Variants in VIPR2 observed in about 807,000 individuals in gnomAD.
VIPR2 encodes the protein vasoactive intestinal polypeptide receptor 2.
A neutral mutation model predicts 58.0 loss-of-function variants in VIPR2; 48 were observed. The ratio of observed to expected loss-of-function variants is 0.83; its 90% confidence interval spans 0.66 to 1.05. VIPR2 has a LOEUF of 1.05. Among genes scored for constraint, VIPR2 ranks in the 50% least tolerant of loss-of-function variants. VIPR2 has a pLI of 0.00. For missense variants in VIPR2, 534 were observed against 558.0 expected (o/e 0.96, Z 0.43); for synonymous variants, 243 against 235.2 (o/e 1.03, Z -0.30).
intron 5 of VIPR2, among the ~76,000 whole-genome samples, chr7:159,055,012 T>C (rs1855225553): frequency 6.6e-6 from 1 of 152,222 alleles, no homozygotes; most frequent in African/African-American, 2.4e-5. Flanking sequence ...GTGCATGAGA[T>C]GATGACTAAG....
intron 8 of VIPR2, 72 bp downstream of exon 8, chr7:159,035,880 C>A: frequency 6.4e-7 from 1 of 1,565,928 alleles, no homozygotes; most frequent in Admixed American, 1.8e-5. Context: ...AACCTTCTGG[C>A]TTCCAAAGGA....
At chr7:159,144,418 G>A in intron 1 of VIPR2, 2 of 1,547,624 alleles carry the variant, frequency 1.3e-6, no homozygotes, top group Non-Finnish European at 1.7e-6. Context: ...CCCCGAACGA[G>A]CTCATCGTTG....
intron 2 of VIPR2, among the ~76,000 whole-genome samples, chr7:159,114,730 C>A (rs992433537): frequency 6.6e-6 from 1 of 150,746 alleles, no homozygotes; most frequent in Non-Finnish European, 1.5e-5. Flanking sequence ...TGCTTGAGCC[C>A]AGGAGCTTGA....
In VIPR2 at chr7:159,128,553, C is replaced by T. The variant is rs1409849736; in HGVS notation, c.151+13893G>A. Among the ~76,000 whole-genome samples, 4 of 152,278 alleles carry T rather than the reference C, an allele frequency of 2.6e-5. No individual in the cohort carries two copies. The highest frequency in any genetic ancestry group is 4.4e-5 in the Non-Finnish European group (3 of 68,006). ...CAGTCCCTACCAGAGGCACTTTCCT[C>T]GCCTCTGACCCTGCCTTCTTTGCTC... On this transcript the variant is annotated intron_variant, in intron 2 of 12. Transcript: ENST00000262178. This position sits in a 1 kb window ranked among gnomAD's most constrained non-coding sequence, Gnocchi z 4.1.
Position 159,144,827 on chromosome 7 carries a change from C to T in VIPR2, c.-56G>A, listed in dbSNP as rs1385743154. On this transcript the variant is annotated 5_prime_UTR_variant, in exon 1 of 13. Coordinates refer to ENST00000262178, the MANE Select transcript of VIPR2 (RefSeq NM_003382.5). ...CGCCCGCCGCCTCCGTCCTAGGTCCCCGCGGTTCCGCCGCCTCCAGCATGG... is the reference window on the plus strand; with the variant it reads ...CGCCCGCCGCCTCCGTCCTAGGTCCTCGCGGTTCCGCCGCCTCCAGCATGG... The T allele has an allele frequency of 4.1e-6, 5 of 1,228,344 alleles. No homozygotes were observed. In the East Asian group the frequency reaches 1.6e-4, roughly 39 times the overall value. The allele number at this position is 1,228,344 out of a possible 1,614,324, so 76.1% of individuals were successfully genotyped here.
intron 2 of VIPR2, chr7:159,117,134 AAC>A: frequency 5.1e-6 from 3 of 590,804 alleles, no homozygotes; most frequent in Non-Finnish European, 9.1e-6. Flanking sequence ...GAGGGGAGGA[AAC>A]ACACTCTGAC....
At chr7:159,041,225 C>T (rs1024496488) in intron 6 of VIPR2, among the ~76,000 whole-genome samples, 1 of 152,238 alleles carries the variant, frequency 6.6e-6, no homozygotes, top group East Asian at 1.9e-4. Context: ...GTGTGGGAGG[C>T]CAGGCCCTCC....
rs1700664440 is a variant in VIPR2, at chr7:159,093,097, G to A, written c.357+10660C>T. Among the ~76,000 whole-genome samples the A allele has an allele frequency of 6.6e-6, 1 of 152,186 alleles. No homozygotes were observed. The highest frequency in any genetic ancestry group is 2.4e-5 in the African/African-American group (1 of 41,436). Reference sequence around the variant, plus strand: ...CTCAGAGAACCCGTCTAGCAGCGGAGATGCTGCTCCCAAGCTGAGAGATGT... The same window carrying A: ...CTCAGAGAACCCGTCTAGCAGCGGAAATGCTGCTCCCAAGCTGAGAGATGT... On this transcript the variant is annotated intron_variant, in intron 4 of 12. Transcript: ENST00000262178. The surrounding 1 kb of genome is among the most constrained non-coding windows in gnomAD (Gnocchi z 6.7).
At chr7:159,111,081 G>A (rs753488676) in intron 2 of VIPR2, among the ~76,000 whole-genome samples, 8 of 152,170 alleles carry the variant, frequency 5.3e-5, no homozygotes, top group Non-Finnish European at 7.4e-5. Context: ...AACTCCAGGC[G>A]TGAGCCCCCG....
chr7:159,034,096 TGTGACA>T, intron 10 of VIPR2, 111 bp downstream of exon 10: 1 of 934,842 alleles, frequency 1.1e-6, no homozygotes. Context: ...AGCCTCGAGG[TGTGACA>T]GTGGCGGAGG....
At chr7:159,139,498 T>C (rs1797373361) in intron 2 of VIPR2, among the ~76,000 whole-genome samples, 1 of 152,186 alleles carries the variant, frequency 6.6e-6, no homozygotes, top group African/African-American at 2.4e-5. Flanking sequence ...GCAGGCGACG[T>C]TGTTAGCCTG....
rs2129495441 is a variant in VIPR2, at chr7:159,093,787, C to T, written c.357+9970G>A. On this transcript the variant is annotated intron_variant, in intron 4 of 12. Coordinates refer to ENST00000262178, the MANE Select transcript of VIPR2 (RefSeq NM_003382.5). This position sits in a 1 kb window ranked among gnomAD's most constrained non-coding sequence, Gnocchi z 6.7. ...GGGAGACCCCGCAGCGTCCCTGGGTCCGGACAGGGGAGAGGCCCTGCAGCG... is the reference window on the plus strand; with the variant it reads ...GGGAGACCCCGCAGCGTCCCTGGGTTCGGACAGGGGAGAGGCCCTGCAGCG... 6.6e-6 allele frequency among the ~76,000 whole-genome samples: 1 copy of T among 150,948 alleles called. No individual in the cohort carries two copies. Among genetic ancestry groups the T allele is most frequent in the African/African-American group, 2.4e-5 (1 of 41,114 alleles).
At chr7:159,109,066 C>CGTAA (rs1050754734) in intron 3 of VIPR2, among the ~76,000 whole-genome samples, 2 of 152,216 alleles carry the variant, frequency 1.3e-5, no homozygotes, top group African/African-American at 4.8e-5. Context: ...AAGTCTTTAC[C>CGTAA]CTTTAACCTC....
rs901234337 is a variant in VIPR2, at chr7:159,029,576, G to C, written c.*1040C>G. 6.6e-6 allele frequency: 1 copy of C among 152,216 alleles called. No homozygotes were observed. The highest frequency in any genetic ancestry group is 6.5e-5 in the Admixed American group (1 of 15,286). 9.4% of individuals were successfully genotyped at this position (152,216 alleles called of 1,614,324 possible). On this transcript the variant is annotated 3_prime_UTR_variant, in exon 13 of 13. Coordinates refer to ENST00000262178, the MANE Select transcript of VIPR2 (RefSeq NM_003382.5). ...CACTCAGCTGTATCCCGCACCCCACGTAACCCCATCACCAGGGGCCCGCAG... is the reference window on the plus strand; with the variant it reads ...CACTCAGCTGTATCCCGCACCCCACCTAACCCCATCACCAGGGGCCCGCAG...
At chr7:159,092,492 T>C (rs1269561764) in intron 4 of VIPR2, among the ~76,000 whole-genome samples, 2 of 152,174 alleles carry the variant, frequency 1.3e-5, no homozygotes, top group Non-Finnish European at 2.9e-5. Context: ...TATCTTCAAA[T>C]ATTCATTTCC....
At position 159,029,019 on chromosome 7, in the gene VIPR2, G is replaced by A. The variant is rs1853389533; in HGVS notation, c.*1597C>T. ...GGTCTCTGGACACTGCTGCTTTGCT[G>A]TCCTAACAGCCCCTCTGTCCGGCCT... On this transcript the variant is annotated 3_prime_UTR_variant, in exon 13 of 13. Coordinates refer to ENST00000262178, the MANE Select transcript of VIPR2 (RefSeq NM_003382.5). 6.6e-6 allele frequency: 1 copy of A among 152,330 alleles called. No individual in the cohort carries two copies. The highest frequency in any genetic ancestry group is 6.5e-5 in the Admixed American group (1 of 15,288). The allele number at this position is 152,330 out of a possible 1,614,324, so 9.4% of individuals were successfully genotyped here.
intron 2 of VIPR2, among the ~76,000 whole-genome samples, chr7:159,136,130 T>G (rs1797212690): frequency 6.6e-6 from 1 of 152,200 alleles, no homozygotes; most frequent in South Asian, 2.1e-4. Flanking sequence ...CATTTATTTC[T>G]CACAGTTATG....
intron 4 of VIPR2, among the ~76,000 whole-genome samples, chr7:159,103,169 C>T (rs938366455): frequency 5.9e-5 from 9 of 152,204 alleles, no homozygotes; most frequent in Non-Finnish European, 1.5e-5. Context: ...TCACAGTGGA[C>T]ATAACACCCA....
intron 4 of VIPR2, among the ~76,000 whole-genome samples, chr7:159,069,953 C>T (rs993385660): frequency 1.1e-4 from 16 of 152,124 alleles, no homozygotes; most frequent in Non-Finnish European, 1.8e-4. Flanking sequence ...AGTTTGTCAA[C>T]CCGGAATGTG....
Sources: allele counts gnomAD v4.1 joint callset (sites outside exome capture counted in the v4.1 genomes callset), GRCh38; gene constraint gnomAD v4.1.1; non-coding constraint Gnocchi (gnomAD v3.1); transcripts MANE v1.5; gene names NCBI Gene and HGNC (gene_info 2026-07-23, HGNC 2026-07-21).